UNC5C: variants seen among roughly 807,000 people sequenced by gnomAD.
UNC5C encodes the protein unc-5 netrin receptor C.
A neutral mutation model predicts 99.8 loss-of-function variants in UNC5C; 47 were observed. The observed-to-expected ratio is 0.47, with a 90% CI of 0.37 to 0.60. The LOEUF (loss-of-function observed/expected upper bound fraction) is 0.60, where lower values mean the gene tolerates loss of function less well. Among genes scored for constraint, UNC5C ranks in the 20% least tolerant of loss-of-function variants. The pLI, the probability that UNC5C is intolerant of heterozygous loss-of-function variation, is 0.00. For synonymous variants in UNC5C, 487 were observed against 452.2 expected (o/e 1.08, Z -0.98); for missense variants, 1,062 against 1,165.9 (o/e 0.91, Z 1.30).
chr4:95,482,294 C>CA (rs1721181272), intron 1 of UNC5C, among the ~76,000 whole-genome samples: 1 of 151,872 alleles, frequency 6.6e-6, no homozygotes, highest in Non-Finnish European at 1.5e-5. Context: ...AAATGCAAAT[C>CA]AAAACCACAA....
chr4:95,390,332 A>G (rs1745320571), intron 1 of UNC5C, among the ~76,000 whole-genome samples: 1 of 151,902 alleles, frequency 6.6e-6, no homozygotes, highest in African/African-American at 2.4e-5. Context: ...AGTTCTAAAC[A>G]GAGGAGGATG....
intron 3 of UNC5C, among the ~76,000 whole-genome samples, chr4:95,282,916 T>C (rs941761544): frequency 1.3e-5 from 2 of 152,130 alleles, no homozygotes. Context: ...ATGACTCGCC[T>C]CGGGGGAAGA....
chr4:95,446,824 T>A (rs996238559), intron 1 of UNC5C, among the ~76,000 whole-genome samples: 7 of 152,200 alleles, frequency 4.6e-5, no homozygotes, highest in Non-Finnish European at 1.0e-4. Flanking sequence ...ATCTGGTTTT[T>A]CAATAATGGA....
intron 1 of UNC5C, among the ~76,000 whole-genome samples, chr4:95,490,206 G>A (rs1227874690): frequency 6.6e-6 from 1 of 151,536 alleles, no homozygotes; most frequent in Admixed American, 6.6e-5. Flanking sequence ...AAGATGGAAG[G>A]GGTCACATTG....
intron 1 of UNC5C, among the ~76,000 whole-genome samples, chr4:95,460,197 G>GTTT (rs5860408): frequency 0.36 from 49,894 of 137,108 alleles, 9,879 homozygotes; most frequent in Admixed American, 0.44. Flanking sequence ...TCCATGTGGT[G>GTTT]TTTTTTTTTT....
At chr4:95,267,835 C>G (rs568547174) in intron 4 of UNC5C, among the ~76,000 whole-genome samples, 1 of 151,950 alleles carries the variant, frequency 6.6e-6, no homozygotes, top group African/African-American at 2.4e-5. Context: ...TCAGAATGCT[C>G]CAAAGTTCAT....
chr4:95,417,420 C>T (rs1746199045), intron 1 of UNC5C, among the ~76,000 whole-genome samples: 1 of 152,162 alleles, frequency 6.6e-6, no homozygotes, highest in Non-Finnish European at 1.5e-5. Context: ...ACATCATGCA[C>T]TTGTTGCATA....
rs868245051 is a variant in UNC5C, at chr4:95,174,188, A to G, written c.2452-3856T>C. The stretch of plus-strand genomic sequence containing the variant: ...TCAATTTTATGGATCCTTTAAAAAA[A>G]CCAGCTACTGGATTCATTAATTTTT... On this transcript the variant is annotated intron_variant, in intron 14 of 15. Transcript: ENST00000453304. Among the ~76,000 whole-genome samples, 311 of 152,212 alleles carry G rather than the reference A, an allele frequency of 2.0e-3. 2 individuals are homozygous for G. Among genetic ancestry groups the G allele is most frequent in the Middle Eastern group, 6.8e-3 (2 of 294 alleles).
chr4:95,370,418 G>A (rs1744709655), intron 1 of UNC5C, among the ~76,000 whole-genome samples: 1 of 152,030 alleles, frequency 6.6e-6, no homozygotes, highest in Non-Finnish European at 1.5e-5. Context: ...AGCATTGCCT[G>A]TACATGCGAT....
chr4:95,327,046 C>A (rs1297923010), intron 2 of UNC5C, among the ~76,000 whole-genome samples: 1 of 152,004 alleles, frequency 6.6e-6, no homozygotes, highest in Non-Finnish European at 1.5e-5. Flanking sequence ...GAAAATTTAC[C>A]TGATTTGAAA....
chr4:95,237,032 T>C (rs1229553562), intron 7 of UNC5C, among the ~76,000 whole-genome samples: 1 of 152,214 alleles, frequency 6.6e-6, no homozygotes, highest in African/African-American at 2.4e-5. Context: ...CCTATGCACA[T>C]CCTCATGTAT....
chr4:95,297,704 G>C (rs927136923), intron 3 of UNC5C, among the ~76,000 whole-genome samples: 2 of 152,170 alleles, frequency 1.3e-5, no homozygotes, highest in Non-Finnish European at 2.9e-5. Flanking sequence ...CCTTGATAAG[G>C]CTTAGCCCTT....
chr4:95,547,128 T>C (rs1231281380), intron 1 of UNC5C, among the ~76,000 whole-genome samples: 3 of 152,154 alleles, frequency 2.0e-5, no homozygotes, highest in African/African-American at 7.2e-5. Context: ...CCACAAGCTA[T>C]GATTCTCGGT....
intron 1 of UNC5C, among the ~76,000 whole-genome samples, chr4:95,540,313 T>C (rs900245335): frequency 6.6e-6 from 1 of 152,196 alleles, no homozygotes; most frequent in Non-Finnish European, 1.5e-5. Flanking sequence ...GAAATACTGA[T>C]CTAGGGTCTC....
chr4:95,481,780 T>C (rs1721164397), intron 1 of UNC5C, among the ~76,000 whole-genome samples: 1 of 152,082 alleles, frequency 6.6e-6, no homozygotes, highest in Non-Finnish European at 1.5e-5. Context: ...ATTTAATAAA[T>C]AGTGCTGGGA....
chr4:95,171,812 A>G (rs1202854081), intron 14 of UNC5C, among the ~76,000 whole-genome samples: 1 of 152,096 alleles, frequency 6.6e-6, no homozygotes, highest in East Asian at 1.9e-4. Context: ...AGGAGTCGCC[A>G]CACTGACTTC....
intron 3 of UNC5C, among the ~76,000 whole-genome samples, chr4:95,295,321 T>C (rs1000271802): frequency 2.0e-5 from 3 of 152,210 alleles, no homozygotes; most frequent in African/African-American, 7.2e-5. Context: ...TTTCTCTGAA[T>C]GAAAACTACC....
At chr4:95,350,618 A>G (rs565485435) in intron 1 of UNC5C, among the ~76,000 whole-genome samples, 5 of 152,334 alleles carry the variant, frequency 3.3e-5, no homozygotes, top group Non-Finnish European at 4.4e-5. Context: ...TAAAAATTCA[A>G]TAATTATTGA....
Position 95,245,144 on chromosome 4 carries a change from A to G in UNC5C, c.776T>C (p.Val259Ala). ...KSTTATVIVYVNGGWSTWTEW... is the reference protein window; with the variant it reads ...KSTTATVIVYANGGWSTWTEW... ...CGTCCAGGTGGACCAGCCACCGTTG[A>G]CTGAAAGGAGGCAAACAGTAAAAAG... The change falls in exon 6 of 16, where the codon GTC (valine) becomes GCC (alanine). Residue 259 changes from valine (V) to alanine (A), a missense_variant and splice_region_variant. Physicochemically the swap from Val to Ala is moderately conservative, Grantham distance 64 (BLOSUM62 0). This residue lies in a region of UNC5C where 810 missense variants were observed against 854.5 expected (regional missense o/e 0.95). Transcript: ENST00000453304. 6.2e-7 allele frequency: 1 copy of G among 1,610,132 alleles called. No homozygotes were observed. The highest frequency in any genetic ancestry group is 8.5e-7 in the Non-Finnish European group (1 of 1,178,948).
Sources: gnomAD v4.1 joint callset for allele counts (sites outside exome capture counted in the v4.1 genomes callset) on GRCh38, gnomAD v4.1.1 for gene constraint, gnomAD v4.1.1 regional missense constraint, MANE v1.5 for transcripts, NCBI Gene and HGNC (gene_info 2026-07-23, HGNC 2026-07-21) for gene names.